SSR1: variants seen among roughly 807,000 people sequenced by gnomAD.
The protein encoded by SSR1 is translocon-associated protein subunit alpha.
In SSR1, 13 loss-of-function variants were observed where a neutral mutation model predicts 36.1. The observed-to-expected ratio is 0.36, with a 90% CI of 0.23 to 0.57. The LOEUF (loss-of-function observed/expected upper bound fraction) is 0.57, where lower values mean the gene tolerates loss of function less well. SSR1 is among the 20% of genes least tolerant of loss of function. SSR1 has a pLI of 0.81. For missense variants in SSR1, 291 were observed against 338.5 expected (o/e 0.86, Z 1.10); for synonymous variants, 113 against 118.9 (o/e 0.95, Z 0.32).
chr6:7,309,246 C>T (rs1758133194), intron 2 of SSR1, among the ~76,000 whole-genome samples: 7 of 152,066 alleles, frequency 4.6e-5, no homozygotes. Flanking sequence ...TCACTTGAGC[C>T]CAGAAGTTTT....
chr6:7,282,221 A>C lies in SSR1; in HGVS notation c.*7643T>G, dbSNP rs1757437667. Reference sequence around the variant, plus strand: ...AGGAAAGCTGAAAACCTGGCGACGAAAAGGAAGCCAAGAACATAGGAGATA... The same window carrying C: ...AGGAAAGCTGAAAACCTGGCGACGACAAGGAAGCCAAGAACATAGGAGATA... On this transcript the variant is annotated 3_prime_UTR_variant, in exon 8 of 8. Coordinates refer to ENST00000244763, the MANE Select transcript of SSR1 (RefSeq NM_003144.5). The C allele has an allele frequency of 1.3e-5, 2 of 152,348 alleles. No homozygotes were observed. Among genetic ancestry groups the C allele is most frequent in the African/African-American group, 4.8e-5 (2 of 41,468 alleles). The allele number at this position is 152,348 out of a possible 1,614,324, so 9.4% of individuals were successfully genotyped here.
intron 4 of SSR1, 146 bp downstream of exon 4, chr6:7,301,164 C>T (rs114638817): frequency 1.3e-4 from 126 of 971,650 alleles, no homozygotes; most frequent in Non-Finnish European, 1.6e-4. Context: ...GAAGAAGAAA[C>T]GTGCAATTTA....
chr6:7,309,376 C>T (rs1758137796), intron 2 of SSR1, among the ~76,000 whole-genome samples: 1 of 152,204 alleles, frequency 6.6e-6, no homozygotes, highest in African/African-American at 2.4e-5. Flanking sequence ...GCAAGAGGAT[C>T]ACTTGAGCCC....
At position 7,301,457 on chromosome 6, in the gene SSR1, A is replaced by G. The variant is rs1332450279; in HGVS notation, c.396T>C (p.Phe132=). The G allele has an allele frequency of 6.2e-7, 1 of 1,614,142 alleles. No homozygotes were observed. Among genetic ancestry groups the G allele is most frequent in the African/African-American group, 1.3e-5 (1 of 75,020 alleles). The change falls in exon 4 of 8, where the codon TTT becomes TTC. Residue 132 remains phenylalanine, a synonymous_variant. Transcript: ENST00000244763. ...GAAGAGCTGTGAAATTCTGGATATA[A>G]AACTGGTAGTCCTGAGGATAACGGA... The part of the protein sequence containing the change: ...ASFRYPQDYQ[F]YIQNFTALPL...
rs1399924737 is a variant in SSR1 at position 7,283,953 on chromosome 6, T to C, written c.*5911A>G. On this transcript the variant is annotated 3_prime_UTR_variant, in exon 8 of 8. Transcript: ENST00000244763. ...CAGATAACAAGGTTACCTAGGGCAG[T>C]TGTGAAGATGAAATGAGGATGTGTG... The C allele has an allele frequency of 2.0e-5, 3 of 152,316 alleles. No individual in the cohort carries two copies. In the East Asian group the frequency reaches 5.8e-4, roughly 29 times the overall value. The allele number at this position is 152,316 out of a possible 1,614,324, so 9.4% of individuals were successfully genotyped here. A position where few individuals can be genotyped will look rare whatever the true frequency, so the allele number is the denominator to read the frequency against.
chr6:7,299,138 C>T (rs991312534), intron 4 of SSR1, among the ~76,000 whole-genome samples: 4 of 152,190 alleles, frequency 2.6e-5, no homozygotes, highest in African/African-American at 9.7e-5. Flanking sequence ...GAGATCCACA[C>T]CCCTTTAAAA....
In SSR1 at chr6:7,310,020, G is replaced by C. The variant is rs1392526849; in HGVS notation, c.89C>G (p.Ala30Gly). The change falls in exon 2 of 8, where the codon GCA becomes GGA. Residue 30 changes from alanine (A) to glycine (G), a missense_variant. Transcript: ENST00000244763. ...ATCCTCTGTAAGATCTTGTGCCACT[G>C]CTAACAAGCCTAATGATAAAATACA... ...LFRGGPRGLL[A>G]VAQDLTEDEE... 6.2e-7 allele frequency: 1 copy of C among 1,609,882 alleles called. No individual in the cohort carries two copies. The highest frequency in any genetic ancestry group is 8.5e-7 in the Non-Finnish European group (1 of 1,176,634).
chr6:7,310,335 C>A, intron 1 of SSR1, among the ~76,000 whole-genome samples: 1 of 151,452 alleles, frequency 6.6e-6, no homozygotes. Context: ...CCAAGTGATC[C>A]TTCCACCTCA....
intron 1 of SSR1, 83 bp from the exon 2 acceptor site, chr6:7,310,112 A>G (rs113497899): frequency 9.6e-7 from 1 of 1,041,366 alleles, no homozygotes; most frequent in African/African-American, 1.6e-5. Flanking sequence ...TAGGCAAAAA[A>G]AACTTCCCTT....
At chr6:7,303,700 T>C in intron 2 of SSR1, 63 bp from the exon 3 acceptor site, 2 of 1,384,992 alleles carry the variant, frequency 1.4e-6, no homozygotes, top group South Asian at 2.4e-5. Context: ...TATTTAAAAA[T>C]AAAGATTTGG....
rs1757590586 is a variant in SSR1, at chr6:7,287,902, T to C, written c.*1962A>G. On this transcript the variant is annotated 3_prime_UTR_variant, in exon 8 of 8. Transcript: ENST00000244763. ...CCCCTGGCATCTGAGGATTTAAGAG[T>C]TCAACTGTTCTCAATCTATGCTAAA... 1 of 152,230 alleles carries C rather than the reference T, an allele frequency of 6.6e-6. No individual in the cohort carries two copies. The highest frequency in any genetic ancestry group is 2.1e-4 in the South Asian group (1 of 4,806). 9.4% of individuals were successfully genotyped at this position (152,230 alleles called of 1,614,324 possible).
Position 7,284,962 on chromosome 6 carries a change from C to G in SSR1, c.*4902G>C, listed in dbSNP as rs1757517082. 6.6e-6 allele frequency: 1 copy of G among 152,192 alleles called. No homozygotes were observed. Among genetic ancestry groups the G allele is most frequent in the Non-Finnish European group, 1.5e-5 (1 of 68,030 alleles). 9.4% of individuals were successfully genotyped at this position (152,192 alleles called of 1,614,324 possible). On this transcript the variant is annotated 3_prime_UTR_variant, in exon 8 of 8. Transcript: ENST00000244763. Reference sequence around the variant, plus strand: ...TCCCACGCTAGCACACCATACCACCCCTTTGTTCAACCTCACAGAATTGCC... The same window carrying G: ...TCCCACGCTAGCACACCATACCACCGCTTTGTTCAACCTCACAGAATTGCC...
intron 6 of SSR1, among the ~76,000 whole-genome samples, chr6:7,297,654 G>C (rs966409413): frequency 1.3e-5 from 2 of 152,114 alleles, no homozygotes; most frequent in African/African-American, 4.8e-5. Context: ...GAGCCCAGGA[G>C]GTTGAGGCCA....
At chr6:7,306,847 T>C (rs1037313558) in intron 2 of SSR1, among the ~76,000 whole-genome samples, 30 of 131,702 alleles carry the variant, frequency 2.3e-4, no homozygotes, top group Middle Eastern at 4.1e-3. Flanking sequence ...ACCCGGGAGG[T>C]GGAGCTTGCA....
intron 7 of SSR1, among the ~76,000 whole-genome samples, chr6:7,291,983 G>A (rs1561829452): frequency 6.6e-6 from 1 of 152,106 alleles, no homozygotes; most frequent in East Asian, 1.9e-4. Context: ...TGAGGTGGGC[G>A]GATTGAGCCC....
chr6:7,301,955 GAAGAA>G (rs1263167531), intron 3 of SSR1, among the ~76,000 whole-genome samples: 1 of 152,176 alleles, frequency 6.6e-6, no homozygotes, highest in African/African-American at 2.4e-5. Context: ...ATAGAAGAAT[GAAGAA>G]AAGATAAAGT....
intron 1 of SSR1, among the ~76,000 whole-genome samples, 193 bp from the exon 2 acceptor site, chr6:7,310,222 CA>C (rs1267738234): frequency 1.7e-5 from 2 of 120,688 alleles, no homozygotes; most frequent in Non-Finnish European, 3.5e-5. Context: ...AACTGCATAT[CA>C]ATTTTTTTTT....
At chr6:7,298,493 T>A in intron 5 of SSR1, 2 of 422,064 alleles carry the variant, frequency 4.7e-6, no homozygotes, top group Non-Finnish European at 8.4e-6. Flanking sequence ...AGGTAGAAAA[T>A]TTAGATGAGA....
rs1191982882 is a variant in SSR1, at chr6:7,282,181, T to C, written c.*7683A>G. 6.6e-6 allele frequency: 1 copy of C among 152,132 alleles called. No homozygotes were observed. The highest frequency in any genetic ancestry group is 1.5e-5 in the Non-Finnish European group (1 of 68,094). 9.4% of individuals were successfully genotyped at this position (152,132 alleles called of 1,614,324 possible). The stretch of plus-strand genomic sequence containing the variant: ...AGGCTTTTGTGGGCAGAAGCCATAT[T>C]AGAAGAAGAGCTAAAGGAAAGCTGA... On this transcript the variant is annotated 3_prime_UTR_variant, in exon 8 of 8. Coordinates refer to ENST00000244763, the MANE Select transcript of SSR1 (RefSeq NM_003144.5).
Sources: allele counts gnomAD v4.1 joint callset (sites outside exome capture counted in the v4.1 genomes callset), GRCh38; gene constraint gnomAD v4.1.1; transcripts MANE v1.5; gene names NCBI Gene and HGNC (gene_info 2026-07-23, HGNC 2026-07-21).